The following KCNMA1 variants were observed in gnomAD, a reference collection of about 807,000 sequenced individuals.
KCNMA1 encodes potassium calcium-activated channel subfamily M alpha 1.
In KCNMA1, 29 loss-of-function variants were observed where a neutral mutation model predicts 140.0. The observed-to-expected ratio is 0.21, with a 90% CI of 0.15 to 0.28. The LOEUF is 0.28. Among genes scored for constraint, KCNMA1 ranks in the 10% least tolerant of loss-of-function variants. The pLI, the probability that KCNMA1 is intolerant of heterozygous loss-of-function variation, is 1.00. For missense variants in KCNMA1, 880 were observed against 1,602.2 expected (o/e 0.55, Z 7.70); for synonymous variants, 612 against 611.9 (o/e 1.00, Z 0.00).
chr10:77,444,997 T>C (rs1432213622), intron 1 of KCNMA1, among the ~76,000 whole-genome samples: 9 of 152,068 alleles, frequency 5.9e-5, no homozygotes, highest in African/African-American at 2.2e-4. Context: ...TGAGATTTGG[T>C]TTCTATAGCA....
intron 1 of KCNMA1, among the ~76,000 whole-genome samples, chr10:77,421,554 T>C (rs2096867536): frequency 6.6e-6 from 1 of 152,250 alleles, no homozygotes; most frequent in South Asian, 2.1e-4. Context: ...CCTTAGACAA[T>C]ATATAAACAA....
At chr10:77,382,990 G>GTATATATATATA (rs1401181000) in intron 2 of KCNMA1, among the ~76,000 whole-genome samples, 16 of 42,582 alleles carry the variant, frequency 3.8e-4, no homozygotes, top group African/African-American at 2.6e-3. Flanking sequence ...GTGTGTGTGT[G>GTATATATATATA]TGTGTATATA....
chr10:77,031,078 A>G (rs1342014562), intron 15 of KCNMA1, among the ~76,000 whole-genome samples: 1 of 152,254 alleles, frequency 6.6e-6, no homozygotes, highest in Non-Finnish European at 1.5e-5. Context: ...GTCAAGGTCA[A>G]TTGACTTTTA....
At chr10:77,020,574 G>A (rs2092719951) in intron 16 of KCNMA1, 1 of 152,228 alleles carries the variant, frequency 6.6e-6, no homozygotes, top group Non-Finnish European at 1.5e-5. Context: ...TAATAGCACG[G>A]CCTGCACTGA....
intron 3 of KCNMA1, among the ~76,000 whole-genome samples, chr10:77,189,548 C>T (rs1001467001): frequency 2.6e-5 from 4 of 152,030 alleles, no homozygotes; most frequent in Admixed American, 1.3e-4. Flanking sequence ...GGAGGGGTTA[C>T]GGAGACCATC....
intron 18 of KCNMA1, among the ~76,000 whole-genome samples, chr10:77,007,653 G>GTATATATATATATATATATA (rs60937323): frequency 0.012 from 1,056 of 88,188 alleles, 16 homozygotes; most frequent in African/African-American, 0.018. Context: ...TTGTGTGTGT[G>GTATATATATATATATATATA]TATATATATA....
intron 3 of KCNMA1, among the ~76,000 whole-genome samples, chr10:77,187,632 C>A (rs2098885469): frequency 6.6e-6 from 1 of 152,180 alleles, no homozygotes; most frequent in Non-Finnish European, 1.5e-5. Context: ...TATGAGCATA[C>A]CTCAATAATA....
At chr10:77,248,529 C>A (rs898978177) in intron 3 of KCNMA1, among the ~76,000 whole-genome samples, 7 of 152,058 alleles carry the variant, frequency 4.6e-5, no homozygotes, top group African/African-American at 1.4e-4. Flanking sequence ...TGCTTTTTTT[C>A]CAGGGTGATG....
In KCNMA1 at chr10:77,001,592, T is replaced by C. The variant is rs1446142359; in HGVS notation, c.2093-12A>G. 6 of 1,547,280 alleles carry C rather than the reference T, an allele frequency of 3.9e-6. No individual in the cohort carries two copies. The highest frequency in any genetic ancestry group is 1.4e-5 in the African/African-American group (1 of 72,884). On this transcript the variant is annotated splice_polypyrimidine_tract_variant and intron_variant, in intron 18 of 27. Coordinates refer to ENST00000286628, the MANE Select transcript of KCNMA1 (RefSeq NM_001161352.2). Reference sequence around the variant, plus strand: ...GATGGACATCTTGGCTATAACCGTGTGGTTGGATGGGAGGAGAGGAAGAGC... The same window carrying C: ...GATGGACATCTTGGCTATAACCGTGCGGTTGGATGGGAGGAGAGGAAGAGC...
At chr10:77,054,256 C>T (rs564035404) in intron 14 of KCNMA1, among the ~76,000 whole-genome samples, 3 of 152,246 alleles carry the variant, frequency 2.0e-5, no homozygotes, top group South Asian at 2.1e-4. Context: ...AATACTCAAC[C>T]ACAGATAGAA....
chr10:77,613,656 C>G (rs896088096), intron 1 of KCNMA1, among the ~76,000 whole-genome samples: 2 of 152,336 alleles, frequency 1.3e-5, no homozygotes, highest in African/African-American at 4.8e-5. Context: ...ACTATAATCA[C>G]TCTGTTCTCC....
At chr10:76,987,432 A>G (rs1045804906) in intron 19 of KCNMA1, among the ~76,000 whole-genome samples, 10 of 152,188 alleles carry the variant, frequency 6.6e-5, no homozygotes, top group African/African-American at 1.9e-4. Flanking sequence ...TTTTCCCTAA[A>G]AGGCCAGATA....
intron 14 of KCNMA1, among the ~76,000 whole-genome samples, chr10:77,062,678 CAT>C (rs2095799614): frequency 6.6e-6 from 1 of 152,192 alleles, no homozygotes; most frequent in Non-Finnish European, 1.5e-5. Context: ...ATGGGGCAGA[CAT>C]ATGTATCTCC....
intron 11 of KCNMA1, among the ~76,000 whole-genome samples, chr10:77,085,593 T>G (rs1246355338): frequency 1.3e-5 from 2 of 152,204 alleles, no homozygotes; most frequent in African/African-American, 2.4e-5. Flanking sequence ...TGGTATGTTA[T>G]ACTTAATAGA....
chr10:77,613,565 G>C (rs1310057766), intron 1 of KCNMA1, among the ~76,000 whole-genome samples: 1 of 151,922 alleles, frequency 6.6e-6, no homozygotes, highest in Non-Finnish European at 1.5e-5. Flanking sequence ...ATACAACACT[G>C]GTGTACACGG....
At chr10:77,339,130 G>A (rs1388654793) in intron 2 of KCNMA1, among the ~76,000 whole-genome samples, 2 of 151,726 alleles carry the variant, frequency 1.3e-5, no homozygotes, top group African/African-American at 4.8e-5. Context: ...GAGGGGGTAA[G>A]GAAGTGTTTT....
intron 19 of KCNMA1, among the ~76,000 whole-genome samples, chr10:76,981,126 C>G (rs1194708904): frequency 6.6e-6 from 1 of 152,136 alleles, no homozygotes; most frequent in Non-Finnish European, 1.5e-5. Flanking sequence ...CCACACCAGT[C>G]TGCCACATTT....
intron 16 of KCNMA1, among the ~76,000 whole-genome samples, chr10:77,026,810 AC>A (rs1405033144): frequency 2.0e-5 from 3 of 152,192 alleles, no homozygotes; most frequent in Non-Finnish European, 4.4e-5. Flanking sequence ...TGTCATAGAC[AC>A]AGACTATACA....
At chr10:77,232,878 C>T (rs1307877059) in intron 3 of KCNMA1, among the ~76,000 whole-genome samples, 3 of 134,058 alleles carry the variant, frequency 2.2e-5, no homozygotes, top group East Asian at 2.3e-4. Context: ...TCTAGTTATC[C>T]CAGCACCATT....
Sources: allele counts gnomAD v4.1 joint callset (sites outside exome capture counted in the v4.1 genomes callset), GRCh38; gene constraint gnomAD v4.1.1; transcripts MANE v1.5; gene names NCBI Gene and HGNC (gene_info 2026-07-23, HGNC 2026-07-21).